Variants in VPS45 observed in about 807,000 individuals in gnomAD.
VPS45 encodes the protein vacuolar protein sorting-associated protein 45.
A neutral mutation model predicts 75.9 loss-of-function variants in VPS45; 35 were observed. The observed-to-expected ratio is 0.46, with a 90% CI of 0.35 to 0.61. The LOEUF is 0.61. VPS45 is among the 20% of genes least tolerant of loss of function. The pLI is 0.00. For missense variants in VPS45, 559 were observed against 685.9 expected (o/e 0.81, Z 2.07); for synonymous variants, 220 against 238.2 (o/e 0.92, Z 0.70).
At position 150,067,852 on chromosome 1, in the gene VPS45, GC is replaced by G. The variant is rs1167835338; in HGVS notation, c.-4del. The stretch of plus-strand genomic sequence containing the variant: ...AGGGCTGTAGGGTACTTGTCAATTC[GC>G]CGCCATGAACGTGGTTTTTGCTGTG... On this transcript the variant is annotated 5_prime_UTR_variant, in exon 1 of 15. Coordinates refer to ENST00000644510, the MANE Select transcript of VPS45 (RefSeq NM_007259.5). 2 of 1,613,936 alleles carry G rather than the reference GC, an allele frequency of 1.2e-6. No individual in the cohort carries two copies. Among genetic ancestry groups the G allele is most frequent in the Admixed American group, 3.3e-5 (2 of 60,008 alleles).
Position 150,076,220 on chromosome 1 carries a change from T to G in VPS45, c.290-13T>G, listed in dbSNP as rs781872625. The G allele has an allele frequency of 5.6e-6, 9 of 1,596,910 alleles. No homozygotes were observed. The African/African-American group carries it at 1.1e-4, about 19-fold the overall frequency. Reference sequence around the variant, plus strand: ...TTATCTCCTTTGAGTCAACCCCAACTCATGTGTTTCAGATTTCAGTAATGT... The same window carrying G: ...TTATCTCCTTTGAGTCAACCCCAACGCATGTGTTTCAGATTTCAGTAATGT... On this transcript the variant is annotated splice_polypyrimidine_tract_variant and intron_variant, in intron 3 of 14. Coordinates refer to ENST00000644510, the MANE Select transcript of VPS45 (RefSeq NM_007259.5).
chr1:150,118,770 T>G (rs1553808998), intron 14 of VPS45, among the ~76,000 whole-genome samples: 1 of 152,224 alleles, frequency 6.6e-6, no homozygotes, highest in East Asian at 1.9e-4. Flanking sequence ...TTATGCTAGA[T>G]TCTTCCAGCT....
intron 2 of VPS45, among the ~76,000 whole-genome samples, chr1:150,069,058 C>G (rs1414888603): frequency 6.6e-6 from 1 of 152,216 alleles, no homozygotes; most frequent in Non-Finnish European, 1.5e-5. Context: ...ACCTCCGTAT[C>G]TGTCACATTG....
intron 14 of VPS45, among the ~76,000 whole-genome samples, chr1:150,123,854 G>C (rs956039947): frequency 4.0e-4 from 61 of 152,286 alleles, no homozygotes; most frequent in African/African-American, 1.2e-3. Context: ...AACACTATGT[G>C]AACTTTATTT....
intron 3 of VPS45, among the ~76,000 whole-genome samples, chr1:150,075,946 G>A (rs1350341821): frequency 6.6e-6 from 1 of 151,476 alleles, no homozygotes; most frequent in Admixed American, 6.6e-5. Context: ...TAGAGACGGG[G>A]TTTCACCGTG....
At chr1:150,128,148 A>G (rs1658611553) in intron 14 of VPS45, among the ~76,000 whole-genome samples, 1 of 151,852 alleles carries the variant, frequency 6.6e-6, no homozygotes, top group Non-Finnish European at 1.5e-5. Context: ...CAAAAATACA[A>G]AAAAATAGCT....
intron 10 of VPS45, among the ~76,000 whole-genome samples, chr1:150,088,167 A>G (rs1656113019): frequency 6.6e-6 from 1 of 152,084 alleles, no homozygotes; most frequent in South Asian, 2.1e-4. Context: ...ACACCAGAAC[A>G]TATTCCTGCT....
chr1:150,139,557 C>CT (rs11336306), intron 14 of VPS45, among the ~76,000 whole-genome samples: 9,285 of 151,728 alleles, frequency 0.061, 990 homozygotes, highest in African/African-American at 0.21. Context: ...GATGAACTCT[C>CT]TTTTTTTTGA....
At chr1:150,083,684 T>G (rs1233356115) in intron 10 of VPS45, among the ~76,000 whole-genome samples, 1 of 148,288 alleles carries the variant, frequency 6.7e-6, no homozygotes, top group South Asian at 2.1e-4. Flanking sequence ...TATATATATA[T>G]AAAATATTTA....
At chr1:150,081,786 C>G in intron 8 of VPS45, 98 bp from the exon 9 acceptor site, 1 of 755,576 alleles carries the variant, frequency 1.3e-6, no homozygotes, top group Non-Finnish European at 2.2e-6. Flanking sequence ...AATTTCCCTG[C>G]CCTTCAATTC....
At chr1:150,122,397 C>T (rs1553809792) in intron 14 of VPS45, among the ~76,000 whole-genome samples, 1 of 151,936 alleles carries the variant, frequency 6.6e-6, no homozygotes, top group African/African-American at 2.4e-5. Context: ...CAGCCATGTC[C>T]TAAGAATCAT....
At chr1:150,074,552 C>T (rs1007910395) in intron 3 of VPS45, among the ~76,000 whole-genome samples, 1 of 152,058 alleles carries the variant, frequency 6.6e-6, no homozygotes, top group Non-Finnish European at 1.5e-5. Flanking sequence ...TTTATGTGAA[C>T]ATTAAGTCTT....
intron 14 of VPS45, chr1:150,142,862 T>C (rs1659465533): frequency 2.2e-6 from 1 of 451,322 alleles, no homozygotes; most frequent in Admixed American, 2.4e-5. Flanking sequence ...TATGTTCCCC[T>C]GCCTGGTTTC....
upstream of VPS45, chr1:150,067,758 G>A (rs914658833): frequency 8.1e-7 from 1 of 1,239,246 alleles, no homozygotes; most frequent in Non-Finnish European, 1.2e-6. Context: ...GCCGAATCCC[G>A]GCTGGGAGGA....
At chr1:150,132,251 A>G (rs1038320870) in intron 14 of VPS45, among the ~76,000 whole-genome samples, 3 of 152,182 alleles carry the variant, frequency 2.0e-5, no homozygotes, top group Non-Finnish European at 2.9e-5. Flanking sequence ...TTTTTGTGTC[A>G]TGTGGAAGAT....
chr1:150,088,936 T>C (rs1375648859), intron 10 of VPS45, among the ~76,000 whole-genome samples: 4 of 152,184 alleles, frequency 2.6e-5, no homozygotes, highest in Non-Finnish European at 5.9e-5. Flanking sequence ...AGTAGTTAGA[T>C]TGCTAAATCA....
In VPS45 at chr1:150,082,902, G is replaced by T; in HGVS notation, c.1104+19G>T. The T allele has an allele frequency of 6.2e-7, 1 of 1,609,048 alleles. No homozygotes were observed. The highest frequency in any genetic ancestry group is 8.5e-7 in the Non-Finnish European group (1 of 1,177,276). ...TCTCCAGGTCAGTCCAATTTGATGA[G>T]CACCTACTATGTGTAAGGCACTGTG... On this transcript the variant is annotated intron_variant, in intron 10 of 14. Coordinates refer to ENST00000644510, the MANE Select transcript of VPS45 (RefSeq NM_007259.5).
chr1:150,098,702 T>A (rs1656802793), intron 13 of VPS45: 1 of 245,442 alleles, frequency 4.1e-6, no homozygotes. Context: ...ACCAGAACAC[T>A]GGTGGAAATT....
Position 150,092,391 on chromosome 1 carries a change from A to G in VPS45, c.1353A>G (p.Gln451=), listed in dbSNP as rs1395003789. ...AAGATGCTGTGGCTATCACCAAACAATTCCTCAAAGGACTGAAGGTATAGA... is the reference window on the plus strand; with the variant it reads ...AAGATGCTGTGGCTATCACCAAACAGTTCCTCAAAGGACTGAAGGTATAGA... ...SPKDAVAITK[Q]FLKGLKGVEN... Residue 451 remains glutamine, a synonymous_variant, in exon 12 of 15, where the codon CAA becomes CAG. Transcript: ENST00000644510. The G allele has an allele frequency of 1.2e-6, 2 of 1,614,026 alleles. No homozygotes were observed. Among genetic ancestry groups the G allele is most frequent in the Non-Finnish European group, 1.7e-6 (2 of 1,180,020 alleles).
Sources: gnomAD v4.1 joint callset for allele counts (sites outside exome capture counted in the v4.1 genomes callset) on GRCh38, gnomAD v4.1.1 for gene constraint, MANE v1.5 for transcripts, NCBI Gene and HGNC (gene_info 2026-07-23, HGNC 2026-07-21) for gene names.